The following CPAP variants were observed in gnomAD, a reference collection of about 807,000 sequenced individuals.
CPAP encodes centrosomal P4.1-associated protein.
the CPAP span, among the ~76,000 whole-genome samples, chr13:24,929,240 T>A: frequency 1.3e-5 from 2 of 152,208 alleles, no homozygotes; most frequent in East Asian, 3.8e-4. Flanking sequence ...ATTTTTGTTT[T>A]TTGTAGAGAT....
chr13:24,911,682 A>G, the CPAP span, among the ~76,000 whole-genome samples: 1 of 149,594 alleles, frequency 6.7e-6, no homozygotes, highest in African/African-American at 2.5e-5. Context: ...GACTGCAGGC[A>G]TGGACCACCA....
the CPAP span, among the ~76,000 whole-genome samples, chr13:24,921,435 A>C: frequency 6.6e-6 from 1 of 152,218 alleles, no homozygotes; most frequent in African/African-American, 2.4e-5. Context: ...ATAAAACGTT[A>C]AACTTAAGAG....
At chr13:24,902,950 T>A in the CPAP span, among the ~76,000 whole-genome samples, 443 of 152,268 alleles carry the variant, frequency 2.9e-3, 6 homozygotes, top group African/African-American at 0.01. Flanking sequence ...AAATACGGTG[T>A]GTATGTGACA....
chr13:24,883,088 A>T, the CPAP span: 1 of 1,182,416 alleles, frequency 8.5e-7, no homozygotes, highest in Non-Finnish European at 1.3e-6. Context: ...CCCCACACAT[A>T]CACAATAAAT....
chr13:24,904,220 C>T, the CPAP span, among the ~76,000 whole-genome samples: 1,145 of 152,220 alleles, frequency 7.5e-3, 7 homozygotes, highest in Non-Finnish European at 0.011. Context: ...AAAATTAAAC[C>T]TAACTTTCCT....
At chr13:24,908,796 T>C in the CPAP span, among the ~76,000 whole-genome samples, 344 of 152,306 alleles carry the variant, frequency 2.3e-3, 1 homozygote, top group Admixed American at 3.9e-3. Flanking sequence ...TTGGGATAAC[T>C]GGGGGAATCC....
chr13:24,884,361 TAAAG>T, the CPAP span: 1 of 1,614,176 alleles, frequency 6.2e-7, no homozygotes. Context: ...ACGTCACCAT[TAAAG>T]AAAGTGACAG....
chr13:24,892,068 T>C, the CPAP span, among the ~76,000 whole-genome samples: 4 of 152,224 alleles, frequency 2.6e-5, no homozygotes, highest in Non-Finnish European at 5.9e-5. Context: ...TATTACAGTC[T>C]TTCTTCCACC....
At chr13:24,899,458 T>G in the CPAP span, 4 of 1,613,844 alleles carry the variant, frequency 2.5e-6, no homozygotes, top group South Asian at 4.4e-5. Context: ...GAAAAGTTCT[T>G]GCAGCTGTAG....
the CPAP span, chr13:24,885,405 T>G: frequency 6.5e-7 from 1 of 1,548,582 alleles, no homozygotes; most frequent in Non-Finnish European, 8.9e-7. Context: ...ACAACACATT[T>G]CAAGCAGCTA....
the CPAP span, among the ~76,000 whole-genome samples, chr13:24,888,629 G>A: frequency 6.6e-6 from 1 of 152,204 alleles, no homozygotes; most frequent in African/African-American, 2.4e-5. Context: ...ACCTCCAGCT[G>A]ACATGGCCTG....
the CPAP span, chr13:24,889,379 T>C: frequency 6.2e-7 from 1 of 1,610,388 alleles, no homozygotes; most frequent in Non-Finnish European, 8.5e-7. Flanking sequence ...ATCTGACTGT[T>C]TTGAAATCGA....
At chr13:24,906,420 T>A in the CPAP span, 12 of 1,613,702 alleles carry the variant, frequency 7.4e-6, no homozygotes, top group South Asian at 1.3e-4. Flanking sequence ...CTTATGGGGC[T>A]CTTAGCAGCC....
At chr13:24,885,792 T>TAAA in the CPAP span, 1 of 731,562 alleles carries the variant, frequency 1.4e-6, no homozygotes, top group Non-Finnish European at 2.4e-6. Context: ...TAGTTAAGGA[T>TAAA]GTCTTAATAT....
chr13:24,882,968 C>T, the CPAP span: 1 of 572,170 alleles, frequency 1.7e-6, no homozygotes, highest in Middle Eastern at 4.7e-4. Flanking sequence ...TTTCCTTAGT[C>T]TATTGAAAGA....
At chr13:24,885,674 T>C in the CPAP span, 1 of 1,608,684 alleles carries the variant, frequency 6.2e-7, no homozygotes. Context: ...GGATTGCCTA[T>C]TAGAATAAAA....
At chr13:24,912,941 C>T in the CPAP span, 1 of 1,614,186 alleles carries the variant, frequency 6.2e-7, no homozygotes, top group Non-Finnish European at 8.5e-7. Flanking sequence ...TTTAATATGA[C>T]CCCAGCCCGA....
chr13:24,926,114 G>A, the CPAP span, among the ~76,000 whole-genome samples: 1 of 152,178 alleles, frequency 6.6e-6, no homozygotes, highest in Admixed American at 6.5e-5. Context: ...GACAGACCCA[G>A]CAACTGGTGC....
chr13:24,883,134 A>AT, the CPAP span: 2 of 1,521,656 alleles, frequency 1.3e-6, no homozygotes, highest in South Asian at 1.1e-5. Context: ...ATTTTTTAAC[A>AT]TAAAAAGTCA....
Sources: gnomAD v4.1 joint callset for allele counts (sites outside exome capture counted in the v4.1 genomes callset) on GRCh38, gnomAD v4.1.1 for gene constraint, MANE v1.5 for transcripts, NCBI Gene and HGNC (gene_info 2026-07-23, HGNC 2026-07-21) for gene names.